The following RFX7 variants were observed in gnomAD, a reference collection of about 807,000 sequenced individuals.
RFX7 encodes the protein regulatory factor X7.
RFX7 carries 26 observed loss-of-function variants against 111.8 expected under a neutral mutation model. That is an observed-to-expected ratio of 0.23 (90% CI 0.17 to 0.32). RFX7 has a LOEUF of 0.32. Ranked by LOEUF, RFX7 falls within the 10% of genes least tolerant of loss-of-function variation. The pLI, the probability that RFX7 is intolerant of heterozygous loss-of-function variation, is 1.00. For missense variants in RFX7, 1,573 were observed against 1,772.9 expected (o/e 0.89, Z 2.02); for synonymous variants, 624 against 624.4 (o/e 1.00, Z 0.01).
intron 3 of RFX7, among the ~76,000 whole-genome samples, chr15:56,157,197 G>A (rs754914697): frequency 6.6e-6 from 1 of 152,214 alleles, no homozygotes; most frequent in African/African-American, 2.4e-5. Context: ...TTGTGATATC[G>A]AAGTTTGTCA....
At chr15:56,205,384 TG>T (rs1418132233) in intron 2 of RFX7, among the ~76,000 whole-genome samples, 1 of 152,230 alleles carries the variant, frequency 6.6e-6, no homozygotes, top group East Asian at 1.9e-4. Context: ...TTATGCTTTT[TG>T]CCCAAATTTT....
At chr15:56,214,649 A>G (rs1403128594) in intron 2 of RFX7, among the ~76,000 whole-genome samples, 2 of 148,824 alleles carry the variant, frequency 1.3e-5, no homozygotes, top group African/African-American at 2.5e-5. Context: ...CGGGAGGAGG[A>G]GCTTGCAGTG....
At chr15:56,122,520 G>T (rs1019348551) in intron 5 of RFX7, among the ~76,000 whole-genome samples, 1 of 152,150 alleles carries the variant, frequency 6.6e-6, no homozygotes, top group Non-Finnish European at 1.5e-5. Flanking sequence ...AAGGCTCACT[G>T]TTACCACGAC....
intron 5 of RFX7, among the ~76,000 whole-genome samples, chr15:56,109,470 G>A (rs2041879406): frequency 6.6e-6 from 1 of 152,060 alleles, no homozygotes; most frequent in Non-Finnish European, 1.5e-5. Flanking sequence ...GCCGCCACCC[G>A]GTCTGGGAGG....
intron 3 of RFX7, among the ~76,000 whole-genome samples, chr15:56,166,582 G>T (rs2042785182): frequency 6.6e-6 from 1 of 152,094 alleles, no homozygotes; most frequent in African/African-American, 2.4e-5. Context: ...CATAAATATT[G>T]TGTTTCATAA....
chr15:56,140,201 G>A (rs1193128913), intron 5 of RFX7, among the ~76,000 whole-genome samples: 6 of 152,182 alleles, frequency 3.9e-5, no homozygotes, highest in South Asian at 4.1e-4. Flanking sequence ...TATGGCGGGC[G>A]CCCCTCCCCC....
chr15:56,237,265 T>G (rs2043633930), intron 2 of RFX7, among the ~76,000 whole-genome samples: 1 of 152,180 alleles, frequency 6.6e-6, no homozygotes, highest in Non-Finnish European at 1.5e-5. Context: ...CCTGGTCCCC[T>G]AACTGAATAA....
chr15:56,159,042 T>A (rs539835717), intron 3 of RFX7, among the ~76,000 whole-genome samples: 1 of 152,276 alleles, frequency 6.6e-6, no homozygotes, highest in African/African-American at 2.4e-5. Context: ...TTACTCTCTA[T>A]GTATGTGAGT....
chr15:56,190,637 A>C (rs781730781), intron 2 of RFX7, among the ~76,000 whole-genome samples: 40 of 152,208 alleles, frequency 2.6e-4, no homozygotes, highest in Admixed American at 2.4e-3. Context: ...TAACGGTATC[A>C]GTATTCCTGG....
At chr15:56,111,976 G>A (rs373561796) in intron 5 of RFX7, among the ~76,000 whole-genome samples, 106 of 152,120 alleles carry the variant, frequency 7.0e-4, no homozygotes, top group African/African-American at 2.4e-3. Flanking sequence ...CTAGCCGGGC[G>A]TGGTGGTGTG....
intron 2 of RFX7, among the ~76,000 whole-genome samples, chr15:56,196,883 T>C (rs1218195109): frequency 6.6e-6 from 1 of 152,174 alleles, no homozygotes; most frequent in South Asian, 2.1e-4. Context: ...GATCTTGTTA[T>C]TCATATTGCA....
chr15:56,127,872 T>G (rs1172910243), intron 5 of RFX7, among the ~76,000 whole-genome samples: 1 of 151,718 alleles, frequency 6.6e-6, no homozygotes, highest in African/African-American at 2.4e-5. Context: ...CTAACAAATG[T>G]TCAGCTAAGC....
chr15:56,237,443 T>C (rs1444016072), intron 2 of RFX7, among the ~76,000 whole-genome samples: 1 of 152,234 alleles, frequency 6.6e-6, no homozygotes, highest in Non-Finnish European at 1.5e-5. Flanking sequence ...TATAAGTAAA[T>C]GATAAGGCTT....
rs1409639887 is a variant in RFX7, at chr15:56,092,807, T to A, written c.*538A>T. 1 of 152,660 alleles carries A rather than the reference T, an allele frequency of 6.6e-6. No individual in the cohort carries two copies. Among genetic ancestry groups the A allele is most frequent in the African/African-American group, 2.4e-5 (1 of 41,428 alleles). 9.5% of individuals were successfully genotyped at this position (152,660 alleles called of 1,614,324 possible). ...AGCCCTTCATCGTGGGTGTAAATGGTACTGAAGCCCCAGAAAGTCCTACAG... is the reference window on the plus strand; with the variant it reads ...AGCCCTTCATCGTGGGTGTAAATGGAACTGAAGCCCCAGAAAGTCCTACAG... On this transcript the variant is annotated 3_prime_UTR_variant, in exon 10 of 10. Coordinates refer to ENST00000559447, the MANE Select transcript of RFX7 (RefSeq NM_022841.7).
chr15:56,122,419 G>C (rs1391810694), intron 5 of RFX7, among the ~76,000 whole-genome samples: 1 of 152,176 alleles, frequency 6.6e-6, no homozygotes, highest in African/African-American at 2.4e-5. Flanking sequence ...GCCTGGAGCT[G>C]GGGGAGTGGT....
chr15:56,103,412 G>A (rs1194998748), intron 6 of RFX7, 142 bp downstream of exon 6: 1 of 569,092 alleles, frequency 1.8e-6, no homozygotes, highest in Non-Finnish European at 3.1e-6. Context: ...AGTTACATTT[G>A]CAATTATTCT....
rs888484761 is a variant in RFX7 at position 56,092,777 on chromosome 15, A to G, written c.*568T>C. On this transcript the variant is annotated 3_prime_UTR_variant, in exon 10 of 10. Coordinates refer to ENST00000559447, the MANE Select transcript of RFX7 (RefSeq NM_022841.7). ...AATATTTAATTTTCCATTATTTTCTATTTAAGCCCTTCATCGTGGGTGTAA... is the reference window on the plus strand; with the variant it reads ...AATATTTAATTTTCCATTATTTTCTGTTTAAGCCCTTCATCGTGGGTGTAA... 11 of 152,408 alleles carry G rather than the reference A, an allele frequency of 7.2e-5. No homozygotes were observed. The highest frequency in any genetic ancestry group is 1.2e-4 in the Non-Finnish European group (8 of 67,994). The allele number at this position is 152,408 out of a possible 1,614,324, so 9.4% of individuals were successfully genotyped here. A position where few individuals can be genotyped will look rare whatever the true frequency, so the allele number is the denominator to read the frequency against.
At chr15:56,223,871 C>G (rs1236023857) in intron 2 of RFX7, among the ~76,000 whole-genome samples, 1 of 152,108 alleles carries the variant, frequency 6.6e-6, no homozygotes, top group African/African-American at 2.4e-5. Flanking sequence ...GGTCAGCAAA[C>G]ACCAATCCCA....
Position 56,217,085 on chromosome 15 carries a change from CACCTATATTGACCATTGTCAA to C in RFX7, c.161+26019_161+26039del, listed in dbSNP as rs543428092. Among the ~76,000 whole-genome samples the C allele has an allele frequency of 3.3e-3, 507 of 152,230 alleles. 7 individuals carry two copies. The highest frequency in any genetic ancestry group is 0.012 in the African/African-American group (489 of 41,536). On this transcript the variant is annotated intron_variant, in intron 2 of 9. Coordinates refer to ENST00000559447, the MANE Select transcript of RFX7 (RefSeq NM_022841.7). ...TAGTACAACCAAAAACTATATGCTTCACCTATATTGACCATTGTCAAATTTATTTTCTTTCTATATAGACAC... is the reference window on the plus strand; with the variant it reads ...TAGTACAACCAAAAACTATATGCTTCATTTATTTTCTTTCTATATAGACAC...
Sources: gnomAD v4.1 joint callset for allele counts (sites outside exome capture counted in the v4.1 genomes callset) on GRCh38, gnomAD v4.1.1 for gene constraint, MANE v1.5 for transcripts, NCBI Gene and HGNC (gene_info 2026-07-23, HGNC 2026-07-21) for gene names.